Variants in NOS2 observed in about 807,000 individuals in gnomAD.
The protein encoded by NOS2 is nitric oxide synthase 2.
Under a neutral mutation model 136.0 loss-of-function variants are expected in NOS2, and 96 were observed. The observed-to-expected ratio is 0.71, with a 90% CI of 0.60 to 0.84. NOS2 has a LOEUF of 0.84. Among genes scored for constraint, NOS2 ranks in the 40% least tolerant of loss-of-function variants. The pLI is 0.00. For missense variants in NOS2, 1,237 were observed against 1,496.9 expected (o/e 0.83, Z 2.87); for synonymous variants, 539 against 587.5 (o/e 0.92, Z 1.20).
intron 2 of NOS2, among the ~76,000 whole-genome samples, chr17:27,795,594 A>G (rs1909330595): frequency 6.6e-6 from 1 of 152,228 alleles, no homozygotes; most frequent in African/African-American, 2.4e-5. Flanking sequence ...AGCCCCATGC[A>G]GGGGTCCCTC....
intron 19 of NOS2, among the ~76,000 whole-genome samples, chr17:27,765,936 C>A (rs891181477): frequency 4.6e-5 from 7 of 152,202 alleles, no homozygotes; most frequent in Non-Finnish European, 5.9e-5. Flanking sequence ...GGGGCCCACC[C>A]CTTCCCAGCA....
At chr17:27,799,624 G>A (rs547913049) in intron 1 of NOS2, among the ~76,000 whole-genome samples, 8 of 152,280 alleles carry the variant, frequency 5.3e-5, no homozygotes, top group South Asian at 2.1e-4. Flanking sequence ...CAGGAGGATC[G>A]CTTGAGTCCA....
At chr17:27,780,680 G>A in intron 9 of NOS2, 87 bp downstream of exon 9, 1 of 1,563,372 alleles carries the variant, frequency 6.4e-7, no homozygotes. Context: ...TTTAGGGAAG[G>A]TATGGGGAAG....
chr17:27,782,146 G>A (rs1395354335), intron 6 of NOS2, 40 bp from the exon 7 acceptor site: 1 of 1,572,996 alleles, frequency 6.4e-7, no homozygotes, highest in Non-Finnish European at 8.7e-7. Flanking sequence ...CAAAGACTGG[G>A]TAGACAGAGG....
chr17:27,775,511 A>T (rs1908630354), intron 11 of NOS2, among the ~76,000 whole-genome samples: 1 of 152,182 alleles, frequency 6.6e-6, no homozygotes, highest in Non-Finnish European at 1.5e-5. Flanking sequence ...CTAAAGAAGG[A>T]CAATCGCTTG....
At position 27,760,672 on chromosome 17, in the gene NOS2, C is replaced by A. The variant is rs201753717; in HGVS notation, c.2961G>T (p.Ala987=). The A allele has an allele frequency of 3.9e-6, 6 of 1,552,480 alleles. No individual in the cohort carries two copies. Among genetic ancestry groups the A allele is most frequent in the Non-Finnish European group, 4.4e-6 (5 of 1,147,698 alleles). Reference sequence around the variant, plus strand: ...GTTGCTGCCAGAAACTGCGGAAGGGCGCGATGCCTGTGCCAGGCCCGATGA... The same window carrying A: ...GTTGCTGCCAGAAACTGCGGAAGGGAGCGATGCCTGTGCCAGGCCCGATGA... The part of the protein sequence containing the change: ...CILIGPGTGI[A]PFRSFWQQRL... Residue 987 remains alanine (A), a synonymous_variant, in exon 24 of 27, where the codon GCG becomes GCT. Coordinates refer to ENST00000313735, the MANE Select transcript of NOS2 (RefSeq NM_000625.4).
At chr17:27,798,977 C>T (rs1024580979) in intron 1 of NOS2, 95 bp from the exon 2 acceptor site, 12 of 604,768 alleles carry the variant, frequency 2.0e-5, no homozygotes, top group Admixed American at 8.7e-5. Context: ...TCGATATGAA[C>T]GCCAGCATGA....
intron 1 of NOS2, 118 bp from the exon 2 acceptor site, chr17:27,799,000 A>G (rs1034512852): frequency 2.7e-5 from 16 of 594,510 alleles, no homozygotes; most frequent in Admixed American, 9.0e-5. Context: ...CCCTTCATCA[A>G]TGCTTTGCAA....
chr17:27,766,588 G>A lies in NOS2; in HGVS notation c.2168C>T (p.Ala723Val). Reference protein sequence around the residue: ...QDSQPLDLSKALSSMHAKNVF... With the variant: ...QDSQPLDLSKVLSSMHAKNVF... ...GTTCTTGGCATGCATGCTGCTGAGGGCTGTGGAGGACACAGAGACGGTGAA... is the reference window on the plus strand; with the variant it reads ...GTTCTTGGCATGCATGCTGCTGAGGACTGTGGAGGACACAGAGACGGTGAA... Residue 723 changes from alanine (A) to valine (V), a missense_variant and splice_region_variant, in exon 19 of 27, where the codon GCC becomes GTC. This residue lies in a region of NOS2 where 782 missense variants were observed against 909.9 expected (regional missense o/e 0.86). Coordinates refer to ENST00000313735, the MANE Select transcript of NOS2 (RefSeq NM_000625.4). The A allele has an allele frequency of 6.2e-7, 1 of 1,613,688 alleles. No homozygotes were observed. Among genetic ancestry groups the A allele is most frequent in the Non-Finnish European group, 8.5e-7 (1 of 1,179,598 alleles).
chr17:27,759,988 C>T, intron 25 of NOS2, 42 bp downstream of exon 25: 3 of 1,457,024 alleles, frequency 2.1e-6, no homozygotes, highest in Non-Finnish European at 2.7e-6. Context: ...CACAGTGGAG[C>T]TTGTGTGTGT....
In NOS2 at chr17:27,789,800, G is replaced by GT. The variant is rs1386208487; in HGVS notation, c.111-113dup. 3 of 723,746 alleles carry GT rather than the reference G, an allele frequency of 4.1e-6. No individual in the cohort carries two copies. In the African/African-American group the frequency reaches 5.2e-5, roughly 13 times the overall value. 44.8% of individuals were successfully genotyped at this position (723,746 alleles called of 1,614,324 possible). A position where few individuals can be genotyped will look rare whatever the true frequency, so the allele number is the denominator to read the frequency against. ...CAAATAGGGAAACTGAGTCCAGAGG[G>GT]TGGGAGTGAATTGTTCATGGTCGGT... On this transcript the variant is annotated intron_variant, in intron 2 of 26. Coordinates refer to ENST00000313735, the MANE Select transcript of NOS2 (RefSeq NM_000625.4).
At chr17:27,766,697 C>A in intron 18 of NOS2, 109 bp from the exon 19 acceptor site, 1 of 803,708 alleles carries the variant, frequency 1.2e-6, no homozygotes, top group South Asian at 1.4e-5. Context: ...CTTGGGGCAT[C>A]CTGCTGAGGT....
intron 18 of NOS2, 63 bp from the exon 19 acceptor site, chr17:27,766,651 C>A (rs1908313041): frequency 4.5e-6 from 6 of 1,330,422 alleles, no homozygotes; most frequent in Non-Finnish European, 6.5e-6. Flanking sequence ...AGGGGAAGCC[C>A]CCAGATGTCT....
intron 2 of NOS2, 143 bp downstream of exon 2, chr17:27,798,557 C>T: frequency 1.6e-6 from 1 of 644,638 alleles, no homozygotes; most frequent in Non-Finnish European, 2.8e-6. Context: ...CATTGAATTC[C>T]AACAGGGACT....
In NOS2 at chr17:27,766,695, A is replaced by C. The variant is rs1026432732; in HGVS notation, c.2168-107T>G. Reference sequence around the variant, plus strand: ...GACATCTGAACACCACCCTTGGGGCATCCTGCTGAGGTGGCCGTTGGGTTT... The same window carrying C: ...GACATCTGAACACCACCCTTGGGGCCTCCTGCTGAGGTGGCCGTTGGGTTT... On this transcript the variant is annotated intron_variant, in intron 18 of 26. Coordinates refer to ENST00000313735, the MANE Select transcript of NOS2 (RefSeq NM_000625.4). 9.6e-6 allele frequency: 8 copies of C among 835,838 alleles called. No individual in the cohort carries two copies. The African/African-American group carries it at 1.3e-4, about 14-fold the overall frequency. 51.8% of individuals were successfully genotyped at this position (835,838 alleles called of 1,614,324 possible). A position where few individuals can be genotyped will look rare whatever the true frequency, so the allele number is the denominator to read the frequency against.
intron 19 of NOS2, 104 bp from the exon 20 acceptor site, chr17:27,765,820 C>T: frequency 7.8e-7 from 1 of 1,276,758 alleles, no homozygotes; most frequent in Non-Finnish European, 1.1e-6. Context: ...CTTTCATTTT[C>T]CTGGCTGGTT....
At chr17:27,783,479 T>G (rs1908916272) in intron 5 of NOS2, among the ~76,000 whole-genome samples, 1 of 152,160 alleles carries the variant, frequency 6.6e-6, no homozygotes, top group Admixed American at 6.5e-5. Context: ...CTCAGACACT[T>G]GCAAGCCTGG....
intron 2 of NOS2, chr17:27,793,783 G>A (rs1034801080): frequency 3.7e-5 from 14 of 381,402 alleles, no homozygotes; most frequent in Non-Finnish European, 6.0e-5. Flanking sequence ...CCCCGCCCCG[G>A]GGGCGGGGCG....
chr17:27,784,962 T>C (rs1181338366), intron 5 of NOS2, among the ~76,000 whole-genome samples: 1 of 152,168 alleles, frequency 6.6e-6, no homozygotes, highest in East Asian at 1.9e-4. Context: ...CCACCAAGCA[T>C]GGCCCTGTAG....
Sources: gnomAD v4.1 joint callset for allele counts (sites outside exome capture counted in the v4.1 genomes callset) on GRCh38, gnomAD v4.1.1 for gene constraint, gnomAD v4.1.1 regional missense constraint, MANE v1.5 for transcripts, NCBI Gene and HGNC (gene_info 2026-07-23, HGNC 2026-07-21) for gene names.